CASKIN1: variants seen among roughly 807,000 people sequenced by gnomAD.
CASKIN1 encodes CASK interacting protein 1, also known as caskin-1.
Under a neutral mutation model 117.5 loss-of-function variants are expected in CASKIN1, and 42 were observed. The ratio of observed to expected loss-of-function variants is 0.36; its 90% CI spans 0.28 to 0.46. The LOEUF (loss-of-function observed/expected upper bound fraction) is 0.46, where lower values mean the gene tolerates loss of function less well. Ranked by LOEUF, CASKIN1 falls within the 20% of genes least tolerant of loss-of-function variation. CASKIN1 has a pLI of 1.00. For synonymous variants in CASKIN1, 1,148 were observed against 961.7 expected (o/e 1.19, Z -3.59); for missense variants, 2,083 against 2,077.3 (o/e 1.00, Z -0.05).
At chr16:2,188,686 G>A (rs2141323848) in intron 6 of CASKIN1, among the ~76,000 whole-genome samples, 1 of 152,010 alleles carries the variant, frequency 6.6e-6, no homozygotes, top group Non-Finnish European at 1.5e-5. Context: ...CCCTCCCTGT[G>A]CTAAGACTTC....
At chr16:2,184,705 A>G in intron 14 of CASKIN1, 72 bp downstream of exon 14, 2 of 1,312,564 alleles carry the variant, frequency 1.5e-6, no homozygotes, top group South Asian at 3.8e-5. Flanking sequence ...AGGCCGTGTA[A>G]GCACCCATCA....
chr16:2,195,387 G>A (rs1256396965), intron 1 of CASKIN1, among the ~76,000 whole-genome samples: 1 of 152,162 alleles, frequency 6.6e-6, no homozygotes, highest in Non-Finnish European at 1.5e-5. Flanking sequence ...GAGGGAGGAC[G>A]CCCAGACCCC....
rs1392057212 is a variant in CASKIN1 at position 2,182,016 on chromosome 16, G to A, written c.1630-87C>T. ...TGGAGCTGGAGGAGGAAGGGTCACC[G>A]GGCCAGCAGGGCACAGACAGACAGG... On this transcript the variant is annotated intron_variant, in intron 16 of 19. Transcript: ENST00000343516. The surrounding 1 kb of genome is among the most constrained non-coding windows in gnomAD (Gnocchi z 4.1). 9.6e-6 allele frequency: 15 copies of A among 1,569,414 alleles called. No homozygotes were observed. The highest frequency in any genetic ancestry group is 6.8e-5 in the East Asian group (3 of 44,344).
rs771962081 is a variant in CASKIN1 at position 2,179,819 on chromosome 16, C to A, written c.3549G>T (p.Ser1183=). Residue 1183 remains serine (S), a synonymous_variant, in exon 18 of 20, where the codon TCG becomes TCT. Coordinates refer to ENST00000343516, the MANE Select transcript of CASKIN1 (RefSeq NM_020764.4). The surrounding 1 kb of genome is among the most constrained non-coding windows in gnomAD (Gnocchi z 5.8). ...GCAGCTCCGGAGGCCCAGCCTGCTCCGAGGCCGGTCGGCGGCGCACGGTGC... is the reference window on the plus strand; with the variant it reads ...GCAGCTCCGGAGGCCCAGCCTGCTCAGAGGCCGGTCGGCGGCGCACGGTGC... ...GTGTVRRRPA[S]EQAGPPELPP... 1 of 1,589,630 alleles carries A rather than the reference C, an allele frequency of 6.3e-7. No individual in the cohort carries two copies. The highest frequency in any genetic ancestry group is 8.5e-7 in the Non-Finnish European group (1 of 1,170,456).
chr16:2,184,065 C>T, intron 14 of CASKIN1, 124 bp from the exon 15 acceptor site: 1 of 633,680 alleles, frequency 1.6e-6, no homozygotes, highest in Non-Finnish European at 2.7e-6. Context: ...GCTGCTCCAT[C>T]TGCAGCAGGC....
rs775121337 is a variant in CASKIN1, at chr16:2,180,756, G to A, written c.2612C>T (p.Ala871Val). 22 of 1,436,508 alleles carry A rather than the reference G, an allele frequency of 1.5e-5. No homozygotes were observed. The highest frequency in any genetic ancestry group is 4.5e-5 in the African/African-American group (3 of 67,366). The allele number at this position is 1,436,508 out of a possible 1,614,324, so 89.0% of individuals were successfully genotyped here. A position where few individuals can be genotyped will look rare whatever the true frequency, so the allele number is the denominator to read the frequency against. ...PTLCLPPEAD[A>V]EPGRPKKRAH... ...CCGCTTCTTGGGCCGCCCCGGCTCC[G>A]CGTCGGCCTCAGGGGGCAGGCACAG... The change falls in exon 18 of 20, where the codon GCG becomes GTG. Residue 871 changes from alanine (A) to valine (V), a missense_variant. By Grantham distance (64) the Ala-to-Val change is moderately conservative. Coordinates refer to ENST00000343516, the MANE Select transcript of CASKIN1 (RefSeq NM_020764.4).
At position 2,196,113 on chromosome 16, in the gene CASKIN1, T is replaced by A. The variant is rs186048599; in HGVS notation, c.94+226A>T. Among the ~76,000 whole-genome samples, 1 of 151,480 alleles carries A rather than the reference T, an allele frequency of 6.6e-6. No individual in the cohort carries two copies. Among genetic ancestry groups the A allele is most frequent in the Non-Finnish European group, 1.5e-5 (1 of 67,786 alleles). On this transcript the variant is annotated intron_variant, in intron 1 of 19. Coordinates refer to ENST00000343516, the MANE Select transcript of CASKIN1 (RefSeq NM_020764.4). This position sits in a 1 kb window ranked among gnomAD's most constrained non-coding sequence, Gnocchi z 5.7. ...GGCCCGGGAGGCGGGTGCCGCCAGG[T>A]GCCCGCTGCGGGGCTCACGGTGGCG...
At position 2,180,695 on chromosome 16, in the gene CASKIN1, G is replaced by T; in HGVS notation, c.2673C>A (p.Ser891Arg). The T allele has an allele frequency of 1.3e-6, 2 of 1,495,142 alleles. No individual in the cohort carries two copies. The highest frequency in any genetic ancestry group is 2.0e-4 in the Middle Eastern group (1 of 5,010). The allele number at this position is 1,495,142 out of a possible 1,614,324, so 92.6% of individuals were successfully genotyped here. Residue 891 changes from serine (S) to arginine (R), a missense_variant, in exon 18 of 20, where the codon AGC (serine) becomes AGA (arginine). Coordinates refer to ENST00000343516, the MANE Select transcript of CASKIN1 (RefSeq NM_020764.4). ...HSLNRYAASD[S>R]EPERDELLVP... ...CCAGCAGCTCGTCCCGCTCCGGCTC[G>T]CTGTCGGACGCCGCATAGCGATTCA...
At position 2,181,850 on chromosome 16, in the gene CASKIN1, A is replaced by G. The variant is rs1180223456; in HGVS notation, c.1709T>C (p.Ile570Thr). The stretch of plus-strand genomic sequence containing the variant: ...CCAGGTGATGTCGGTGATGAAATCA[A>G]TGTTCTCGTAGCCATTGTCCACCAA... ...KVLVDNGYEN[I>T]DFITDITWED... Residue 570 changes from isoleucine (I) to threonine (T), a missense_variant, in exon 17 of 20, where the codon ATT (isoleucine) becomes ACT (threonine). Transcript: ENST00000343516. The G allele has an allele frequency of 5.0e-6, 8 of 1,613,752 alleles. No homozygotes were observed. In the Middle Eastern group the frequency reaches 6.6e-4, roughly 133 times the overall value.
Position 2,187,061 on chromosome 16 carries a change from C to T in CASKIN1, c.847G>A (p.Ala283Thr), listed in dbSNP as rs143211169. 3,550 of 1,613,638 alleles carry T rather than the reference C, an allele frequency of 2.2e-3. 54 individuals are homozygous for T. In the African/African-American group the frequency reaches 0.04, roughly 18 times the overall value. Residue 283 changes from alanine to threonine, a missense_variant, in exon 9 of 20, where the codon GCC (alanine) becomes ACC (threonine). Physicochemically the swap from Ala to Thr is moderately conservative, Grantham distance 58. Coordinates refer to ENST00000343516, the MANE Select transcript of CASKIN1 (RefSeq NM_020764.4). ...IKQLLREASA[A>T]LQVRATKDYC... ...TCCTTGGTCGCCCGGACCTGCAGGGCCGCTGAGGCCTCTGGGGATACAGGA... is the reference window on the plus strand; with the variant it reads ...TCCTTGGTCGCCCGGACCTGCAGGGTCGCTGAGGCCTCTGGGGATACAGGA...
At position 2,189,027 on chromosome 16, in the gene CASKIN1, CTGA is replaced by C; in HGVS notation, c.614_616del (p.Ile205del). 6.2e-7 allele frequency: 1 copy of C among 1,611,970 alleles called. No homozygotes were observed. On this transcript the variant is annotated inframe_deletion and splice_region_variant, in exon 6 of 20. Coordinates refer to ENST00000343516, the MANE Select transcript of CASKIN1 (RefSeq NM_020764.4). ...AGGCCCTCCCTGCTACCGGCTCTAC[CTGA>C]TGATGTCGATGTGGCCGTTTTTAGC... is the stretch of plus-strand genomic sequence containing the variant.
chr16:2,189,410 G>A lies in CASKIN1; in HGVS notation c.390+9C>T, dbSNP rs186455611. On this transcript the variant is annotated intron_variant, in intron 4 of 19. Coordinates refer to ENST00000343516, the MANE Select transcript of CASKIN1 (RefSeq NM_020764.4). The stretch of plus-strand genomic sequence containing the variant: ...CGCCCCCGCTGCCCCGCCCCCGCTC[G>A]GGCCTCACCACATCATAGTGACCAT... 9 of 1,610,252 alleles carry A rather than the reference G, an allele frequency of 5.6e-6. No individual in the cohort carries two copies. Among genetic ancestry groups the A allele is most frequent in the African/African-American group, 2.7e-5 (2 of 74,834 alleles).
chr16:2,185,310 CA>C lies in CASKIN1; in HGVS notation c.1146del (p.Phe382LeufsTer96). 1 of 1,595,844 alleles carries C rather than the reference CA, an allele frequency of 6.3e-7. No homozygotes were observed. Among genetic ancestry groups the C allele is most frequent in the Admixed American group, 1.7e-5 (1 of 58,916 alleles). ...PEEIWVLRKP[F>X]AGGDRSGSIS... Reference sequence around the variant, plus strand: ...GCCCTTCAGGGACCCAGCCTACCTGCAAAAGGCTTCCTCAGCACCCAGATCT... The same window carrying C: ...GCCCTTCAGGGACCCAGCCTACCTGCAAAGGCTTCCTCAGCACCCAGATCT... On this transcript the variant is annotated frameshift_variant, in exon 11 of 20. Transcript: ENST00000343516. LOFTEE classifies it high-confidence loss of function.
At chr16:2,191,478 A>G (rs1379119244) in intron 1 of CASKIN1, among the ~76,000 whole-genome samples, 9 of 152,094 alleles carry the variant, frequency 5.9e-5, no homozygotes, top group Admixed American at 4.6e-4. Flanking sequence ...CCTGAGCTGG[A>G]GCCGGGGGTG....
At position 2,182,128 on chromosome 16, in the gene CASKIN1, C is replaced by T. The variant is rs191221190; in HGVS notation, c.1630-199G>A. Among the ~76,000 whole-genome samples the T allele has an allele frequency of 6.3e-4, 96 of 152,286 alleles. No homozygotes were observed. Among genetic ancestry groups the T allele is most frequent in the African/African-American group, 2.3e-3 (94 of 41,550 alleles). On this transcript the variant is annotated intron_variant, in intron 16 of 19. Transcript: ENST00000343516. This position sits in a 1 kb window ranked among gnomAD's most constrained non-coding sequence, Gnocchi z 4.1. ...ACCGGACACTGCATGCCGCATATCG[C>T]ACACATGCGCACACACGCACGGCTG... is the stretch of plus-strand genomic sequence containing the variant.
In CASKIN1 at chr16:2,181,592, C is replaced by T. The variant is rs747477325; in HGVS notation, c.1776G>A (p.Gln592=). ...QEIGITKLGH[Q]KKLMLAVRKL... Reference sequence around the variant, plus strand: ...TCCTCACAGCGAGCATCAGCTTCTTCTGGTGCCCTGAGTGGGGCGCAGGGG... The same window carrying T: ...TCCTCACAGCGAGCATCAGCTTCTTTTGGTGCCCTGAGTGGGGCGCAGGGG... The change falls in exon 18 of 20, where the codon CAG becomes CAA. Residue 592 remains glutamine (Q), a synonymous_variant. Coordinates refer to ENST00000343516, the MANE Select transcript of CASKIN1 (RefSeq NM_020764.4). 52 of 1,498,360 alleles carry T rather than the reference C, an allele frequency of 3.5e-5. No individual in the cohort carries two copies. The Middle Eastern group carries it at 7.0e-4, about 20-fold the overall frequency. The allele number at this position is 1,498,360 out of a possible 1,614,324, so 92.8% of individuals were successfully genotyped here. A position where few individuals can be genotyped will look rare whatever the true frequency, so the allele number is the denominator to read the frequency against.
chr16:2,180,152 T>C lies in CASKIN1; in HGVS notation c.3216A>G (p.Gly1072=), dbSNP rs753677261. The change falls in exon 18 of 20, where the codon GGA becomes GGG. Residue 1072 remains glycine (G), a synonymous_variant. Transcript: ENST00000343516. The part of the protein sequence containing the change: ...RRRTLSGPVT[G]LLATARRGPG... The stretch of plus-strand genomic sequence containing the variant: ...GCCCCCGGCGGGCAGTGGCCAGAAG[T>C]CCGGTGACTGGCCCGCTGAGCGTGC... 6.4e-7 allele frequency: 1 copy of C among 1,554,876 alleles called. No homozygotes were observed. The highest frequency in any genetic ancestry group is 1.2e-5 in the South Asian group (1 of 84,846).
chr16:2,187,015 A>T lies in CASKIN1; in HGVS notation c.893T>A (p.Leu298Gln). The T allele has an allele frequency of 6.2e-7, 1 of 1,613,638 alleles. No homozygotes were observed. Among genetic ancestry groups the T allele is most frequent in the Admixed American group, 1.7e-5 (1 of 60,018 alleles). ...ATKDYCNNYD[L>Q]TSLNVKAGDI... The stretch of plus-strand genomic sequence containing the variant: ...CCCTGCCTTCACGTTGAGGCTGGTC[A>T]GGTCGTAATTGTTGCAATAATCCTT... Residue 298 changes from leucine to glutamine, a missense_variant, in exon 9 of 20, where the codon CTG becomes CAG. Transcript: ENST00000343516.
rs569944102 is a variant in CASKIN1 at position 2,180,926 on chromosome 16, T to C, written c.2442A>G (p.Thr814=). Residue 814 remains threonine (T), a synonymous_variant, in exon 18 of 20, where the codon ACA becomes ACG. Coordinates refer to ENST00000343516, the MANE Select transcript of CASKIN1 (RefSeq NM_020764.4). The part of the protein sequence containing the change: ...VKPTPQLLPP[T]ERPMSPRSLP... ...GGGAGCGGGGTGACATGGGGCGCTCTGTCGGCGGCAGCAGCTGCGGGGTGG... is the reference window on the plus strand; with the variant it reads ...GGGAGCGGGGTGACATGGGGCGCTCCGTCGGCGGCAGCAGCTGCGGGGTGG... The C allele has an allele frequency of 2.1e-6, 3 of 1,458,966 alleles. No individual in the cohort carries two copies. The highest frequency in any genetic ancestry group is 3.0e-5 in the South Asian group (2 of 67,248). 90.4% of individuals were successfully genotyped at this position (1,458,966 alleles called of 1,614,324 possible).
Sources: gnomAD v4.1 joint callset for allele counts (sites outside exome capture counted in the v4.1 genomes callset) on GRCh38, gnomAD v4.1.1 for gene constraint, Gnocchi (gnomAD v3.1) non-coding constraint, MANE v1.5 for transcripts, NCBI Gene and HGNC (gene_info 2026-07-23, HGNC 2026-07-21) for gene names.